The following ZZEF1 variants were observed in gnomAD, a reference collection of about 807,000 sequenced individuals.
ZZEF1 encodes zinc finger ZZ-type and EF-hand domain containing 1.
Under a neutral mutation model 342.8 loss-of-function variants are expected in ZZEF1, and 157 were observed. The ratio of observed to expected loss-of-function variants is 0.46; its 90% CI spans 0.40 to 0.52. The LOEUF is 0.52. Ranked by LOEUF, ZZEF1 falls within the 20% of genes least tolerant of loss-of-function variation. ZZEF1 has a pLI of 0.00. For missense variants in ZZEF1, 3,480 were observed against 3,725.6 expected (o/e 0.93, Z 1.72); for synonymous variants, 1,505 against 1,429.1 (o/e 1.05, Z -1.20).
chr17:4,058,060 A>G lies in ZZEF1; in HGVS notation c.5099T>C (p.Ile1700Thr), dbSNP rs1277068373. ...TTTCATGAGGAGATCTGGTAACTGA[A>G]TATCAACAAAGAAGGCGAGATCATT... ...EPNDLAFFVD[I>T]QLPDLLMKMS... Residue 1700 changes from isoleucine to threonine, a missense_variant, in exon 32 of 55, where the codon ATT (isoleucine) becomes ACT (threonine). Physicochemically the swap from Ile to Thr is moderately conservative, Grantham distance 89 (BLOSUM62 -1). This residue lies in a region of ZZEF1 where 1,528 missense variants were observed against 1,624.1 expected (regional missense o/e 0.94). Transcript: ENST00000381638. 5 of 1,614,200 alleles carry G rather than the reference A, an allele frequency of 3.1e-6. No homozygotes were observed. Among genetic ancestry groups the G allele is most frequent in the East Asian group, 2.2e-5 (1 of 44,884 alleles).
At chr17:4,062,264 C>T (rs1026705463) in intron 30 of ZZEF1, among the ~76,000 whole-genome samples, 1 of 151,892 alleles carries the variant, frequency 6.6e-6, no homozygotes, top group Admixed American at 6.6e-5. Context: ...AACAATATCA[C>T]TATCTGGTAT....
At chr17:4,123,662 T>C (rs965432234) in intron 2 of ZZEF1, among the ~76,000 whole-genome samples, 6 of 151,902 alleles carry the variant, frequency 3.9e-5, no homozygotes, top group African/African-American at 1.5e-4. Flanking sequence ...TGTAGTGAAA[T>C]GAAGAGATCC....
At chr17:4,037,771 T>C (rs1199195136) in intron 39 of ZZEF1, among the ~76,000 whole-genome samples, 4 of 152,140 alleles carry the variant, frequency 2.6e-5, no homozygotes, top group Non-Finnish European at 4.4e-5. Context: ...TTTTTGTAGA[T>C]AGAGTCTTGC....
chr17:4,092,088 A>T (rs12325991), intron 11 of ZZEF1, among the ~76,000 whole-genome samples: 3,204 of 144,962 alleles, frequency 0.022, 122 homozygotes, highest in African/African-American at 0.076. Context: ...AAAAAAAAAA[A>T]AATAATAAAA....
chr17:4,123,305 A>ATG, intron 2 of ZZEF1, among the ~76,000 whole-genome samples: 1 of 127,876 alleles, frequency 7.8e-6, no homozygotes. Context: ...ATATATATAT[A>ATG]TATATCAGAA....
Position 4,029,484 on chromosome 17 carries a change from G to T in ZZEF1, c.6892+2642C>A, listed in dbSNP as rs190151625. Among the ~76,000 whole-genome samples the T allele has an allele frequency of 6.0e-3, 902 of 151,450 alleles. 5 individuals carry two copies. The highest frequency in any genetic ancestry group is 8.5e-3 in the Non-Finnish European group (578 of 67,848). ...TGAGATGTTCCTACTGAATCCAAGG[G>T]ACACCGAAAAAGAAAAAAAAAATAG... On this transcript the variant is annotated intron_variant, in intron 42 of 54. Transcript: ENST00000381638.
chr17:4,138,088 T>C (rs953490701), intron 1 of ZZEF1, among the ~76,000 whole-genome samples: 2 of 152,126 alleles, frequency 1.3e-5, no homozygotes, highest in South Asian at 4.2e-4. Flanking sequence ...GTAAATTAGC[T>C]GAGAGAGTTA....
At position 4,050,881 on chromosome 17, in the gene ZZEF1, C is replaced by G. The variant is rs752059358; in HGVS notation, c.5763G>C (p.Gly1921=). The change falls in exon 36 of 55, where the codon GGG becomes GGC. Residue 1921 remains glycine (G), a synonymous_variant. Transcript: ENST00000381638. ...TGCGCGTCTGGGGGTCCAGCTTCTC[C>G]CCATCCACATCCTCTGCACTGGCCA... The part of the protein sequence containing the change: ...AHLASAEDVD[G]EKLDPQTRSS... 1.9e-6 allele frequency: 3 copies of G among 1,614,200 alleles called. No homozygotes were observed. The highest frequency in any genetic ancestry group is 1.6e-4 in the Middle Eastern group (1 of 6,062).
intron 11 of ZZEF1, among the ~76,000 whole-genome samples, chr17:4,092,582 T>C (rs1189764037): frequency 6.6e-6 from 1 of 152,158 alleles, no homozygotes; most frequent in Non-Finnish European, 1.5e-5. Context: ...GCGCTAGGAT[T>C]ACAGGTGTGA....
rs1157648649 is a variant in ZZEF1, at chr17:4,077,884, T to G, written c.2988A>C (p.Lys996Asn). 6.2e-7 allele frequency: 1 copy of G among 1,613,190 alleles called. No homozygotes were observed. The highest frequency in any genetic ancestry group is 2.2e-5 in the East Asian group (1 of 44,878). Residue 996 changes from lysine to asparagine, a missense_variant and splice_region_variant, in exon 19 of 55, where the codon AAA becomes AAC. Lys to Asn is a moderately conservative substitution (Grantham distance 94, BLOSUM62 0). This residue lies in a region of ZZEF1 where 1,528 missense variants were observed against 1,624.1 expected (regional missense o/e 0.94). Transcript: ENST00000381638. ...AKDLAVDLIE[K>N]YVGQFLASMR... The stretch of plus-strand genomic sequence containing the variant: ...CATGGATTTTATATTGAAACTCACA[T>G]TTTTCAATAAGGTCCACGGCAAGAT...
chr17:4,125,541 T>C (rs959542400), intron 1 of ZZEF1, among the ~76,000 whole-genome samples: 1 of 152,228 alleles, frequency 6.6e-6, no homozygotes, highest in African/African-American at 2.4e-5. Flanking sequence ...AGCATTCTTT[T>C]TGCCTCTGTT....
chr17:4,009,487 G>T, intron 53 of ZZEF1, 117 bp downstream of exon 53: 1 of 1,405,612 alleles, frequency 7.1e-7, no homozygotes, highest in Non-Finnish European at 9.9e-7. Context: ...GTCCTGTGTG[G>T]CCTGTCGAGA....
chr17:4,126,490 A>T (rs370217616), intron 1 of ZZEF1, among the ~76,000 whole-genome samples: 2 of 152,322 alleles, frequency 1.3e-5, no homozygotes. Context: ...GAAGCTTGGA[A>T]ACAGATGGAT....
In ZZEF1 at chr17:4,087,194, T is replaced by C. The variant is rs545281528; in HGVS notation, c.2342+240A>G. Among the ~76,000 whole-genome samples, 8 of 152,380 alleles carry C rather than the reference T, an allele frequency of 5.3e-5. No individual in the cohort carries two copies. The South Asian group carries it at 1.7e-3, about 32-fold the overall frequency. ...CGCGCCCAGGCAGGAAGTTCATTTCTGATCCTACTTTTTCATCTGTAAAAT... is the reference window on the plus strand; with the variant it reads ...CGCGCCCAGGCAGGAAGTTCATTTCCGATCCTACTTTTTCATCTGTAAAAT... On this transcript the variant is annotated intron_variant, in intron 14 of 54. Transcript: ENST00000381638.
intron 40 of ZZEF1, 48 bp from the exon 41 acceptor site, chr17:4,033,050 C>T: frequency 6.6e-7 from 1 of 1,520,284 alleles, no homozygotes; most frequent in African/African-American, 1.4e-5. Context: ...GCTCCAAACT[C>T]AACTCGTTAG....
intron 39 of ZZEF1, among the ~76,000 whole-genome samples, chr17:4,040,076 A>G (rs2056770716): frequency 6.6e-6 from 1 of 152,238 alleles, no homozygotes; most frequent in African/African-American, 2.4e-5. Flanking sequence ...AAATCAGTTG[A>G]TATCATGTTA....
chr17:4,120,933 C>T (rs2058472802), intron 2 of ZZEF1, among the ~76,000 whole-genome samples: 1 of 152,136 alleles, frequency 6.6e-6, no homozygotes, highest in Non-Finnish European at 1.5e-5. Context: ...TAAGCACCAA[C>T]ACCATGAGAT....
At chr17:4,132,828 T>A (rs971402063) in intron 1 of ZZEF1, among the ~76,000 whole-genome samples, 1 of 150,984 alleles carries the variant, frequency 6.6e-6, no homozygotes, top group Admixed American at 6.6e-5. Context: ...TAGCCGGGTG[T>A]GGTGGCGGGC....
Position 4,078,013 on chromosome 17 carries a change from T to A in ZZEF1, c.2859A>T (p.Pro953=), listed in dbSNP as rs145906636. Residue 953 remains proline, a synonymous_variant, in exon 19 of 55, where the codon CCA becomes CCT. Coordinates refer to ENST00000381638, the MANE Select transcript of ZZEF1 (RefSeq NM_015113.4). The part of the protein sequence containing the change: ...ECELLMLSGA[P]GEVGSVLFSL... ...AGAAGAGCACAGAGCCCACCTCCCCTGGGGCCCCACTGAGCATTAACAGCT... is the reference window on the plus strand; with the variant it reads ...AGAAGAGCACAGAGCCCACCTCCCCAGGGGCCCCACTGAGCATTAACAGCT... 4.3e-6 allele frequency: 7 copies of A among 1,613,858 alleles called. No homozygotes were observed. In the African/African-American group the frequency reaches 9.3e-5, roughly 22 times the overall value.
Sources: allele counts gnomAD v4.1 joint callset (sites outside exome capture counted in the v4.1 genomes callset), GRCh38; gene constraint gnomAD v4.1.1; regional missense constraint gnomAD v4.1.1; transcripts MANE v1.5; gene names NCBI Gene and HGNC (gene_info 2026-07-23, HGNC 2026-07-21).